The following ERC1 variants were observed in gnomAD, a reference collection of about 807,000 sequenced individuals.
The protein encoded by ERC1 is RAB6 interacting protein 2.
ERC1 carries 56 observed loss-of-function variants against 132.0 expected under a neutral mutation model. The observed-to-expected ratio is 0.42, with a 90% CI of 0.34 to 0.53. The LOEUF (loss-of-function observed/expected upper bound fraction) is 0.53, where lower values mean the gene tolerates loss of function less well. Ranked by LOEUF, ERC1 falls within the 20% of genes least tolerant of loss-of-function variation. The pLI, the probability that ERC1 is intolerant of heterozygous loss-of-function variation, is 0.03. For synonymous variants in ERC1, 478 were observed against 476.1 expected (o/e 1.00, Z -0.05); for missense variants, 1,202 against 1,349.9 (o/e 0.89, Z 1.72).
chr12:1,003,209 A>G (rs1009503609), intron 1 of ERC1, among the ~76,000 whole-genome samples: 1 of 151,328 alleles, frequency 6.6e-6, no homozygotes, highest in Non-Finnish European at 1.5e-5. Flanking sequence ...ACTTTTTTGT[A>G]ATGAGGAATC....
chr12:1,029,897 G>A (rs1020494951), intron 2 of ERC1, among the ~76,000 whole-genome samples: 2 of 151,868 alleles, frequency 1.3e-5, no homozygotes, highest in South Asian at 2.1e-4. Flanking sequence ...ACAGGTGCCC[G>A]CCACCACGCC....
chr12:1,194,512 C>T (rs1956037751), intron 12 of ERC1, among the ~76,000 whole-genome samples: 1 of 152,160 alleles, frequency 6.6e-6, no homozygotes, highest in Non-Finnish European at 1.5e-5. Flanking sequence ...TCTGCTTTTT[C>T]ACTCACGCTG....
At chr12:1,138,163 A>AAT (rs1949491983) in intron 7 of ERC1, among the ~76,000 whole-genome samples, 1 of 87,978 alleles carries the variant, frequency 1.1e-5, no homozygotes, top group Admixed American at 1.3e-4. Context: ...TACATAATAT[A>AAT]TATAATTGTA....
chr12:1,126,986 C>CAAAAATAAAAAAA (rs1948242990), intron 7 of ERC1, among the ~76,000 whole-genome samples: 1 of 114,192 alleles, frequency 8.8e-6, no homozygotes, highest in Non-Finnish European at 1.7e-5. Flanking sequence ...GATTCTGTCT[C>CAAAAATAAAAAAA]AAAAAAAAAA....
chr12:996,347 G>C (rs894347035), intron 1 of ERC1, among the ~76,000 whole-genome samples: 1 of 145,894 alleles, frequency 6.9e-6, no homozygotes. Flanking sequence ...CATGATCCGC[G>C]CGCCTTGGCC....
chr12:1,361,385 G>T (rs905460854), intron 15 of ERC1, among the ~76,000 whole-genome samples: 2 of 151,876 alleles, frequency 1.3e-5, no homozygotes, highest in Admixed American at 1.3e-4. Context: ...TTGTGCACAT[G>T]TACCCTAAAA....
intron 15 of ERC1, among the ~76,000 whole-genome samples, chr12:1,330,860 A>G (rs1017803894): frequency 2.0e-5 from 3 of 151,714 alleles, no homozygotes; most frequent in African/African-American, 7.3e-5. Context: ...TTATCTCTTT[A>G]TGTCTTTTAT....
At chr12:1,305,757 C>T (rs953262869) in intron 15 of ERC1, among the ~76,000 whole-genome samples, 3 of 152,032 alleles carry the variant, frequency 2.0e-5, no homozygotes, top group Admixed American at 2.0e-4. Context: ...TCCTTCTCTC[C>T]TAATTTTTGT....
At chr12:1,369,444 A>G (rs576188220) in intron 15 of ERC1, among the ~76,000 whole-genome samples, 7 of 152,310 alleles carry the variant, frequency 4.6e-5, no homozygotes, top group South Asian at 4.1e-4. Flanking sequence ...TGGTATTTCA[A>G]TCTAATTAGG....
chr12:1,022,003 T>A (rs1846746503), intron 1 of ERC1, among the ~76,000 whole-genome samples: 1 of 152,244 alleles, frequency 6.6e-6, no homozygotes, highest in African/African-American at 2.4e-5. Context: ...ACATTACTTA[T>A]GTTTACTTTA....
At chr12:1,355,272 T>A (rs2085413840) in intron 15 of ERC1, among the ~76,000 whole-genome samples, 1 of 152,220 alleles carries the variant, frequency 6.6e-6, no homozygotes, top group Non-Finnish European at 1.5e-5. Flanking sequence ...AAAATGTAAT[T>A]ATTATATGTT....
At chr12:1,017,019 T>C (rs1298224807) in intron 1 of ERC1, among the ~76,000 whole-genome samples, 1 of 151,008 alleles carries the variant, frequency 6.6e-6, no homozygotes, top group Non-Finnish European at 1.5e-5. Flanking sequence ...TTTTTTGAGA[T>C]GGAATCTTGC....
At chr12:1,235,699 G>A (rs1205548992) in intron 12 of ERC1, among the ~76,000 whole-genome samples, 1 of 152,124 alleles carries the variant, frequency 6.6e-6, no homozygotes, top group Non-Finnish European at 1.5e-5. Flanking sequence ...AATGGATGTG[G>A]AGAGGTATAA....
intron 18 of ERC1, among the ~76,000 whole-genome samples, chr12:1,485,979 T>A (rs2094209319): frequency 6.6e-6 from 1 of 152,244 alleles, no homozygotes; most frequent in Non-Finnish European, 1.5e-5. Context: ...TAAGCAAGAA[T>A]ACAACCATAA....
chr12:1,365,291 C>A (rs771144693), intron 15 of ERC1, among the ~76,000 whole-genome samples: 1 of 151,958 alleles, frequency 6.6e-6, no homozygotes, highest in East Asian at 1.9e-4. Context: ...ATCTTCCTTA[C>A]GTGCTCTGCT....
intron 15 of ERC1, among the ~76,000 whole-genome samples, chr12:1,314,615 T>C (rs2081560520): frequency 2.0e-5 from 3 of 152,230 alleles, no homozygotes; most frequent in Non-Finnish European, 4.4e-5. Flanking sequence ...TGACATAAGG[T>C]ATTTTTAACT....
chr12:1,454,705 T>C (rs4765819), intron 18 of ERC1, among the ~76,000 whole-genome samples: 86,733 of 152,180 alleles, frequency 0.57, 29,388 homozygotes, highest in East Asian at 0.85. Context: ...TTTTTTCAAC[T>C]ACAGTGGCAC....
At chr12:1,241,143 A>G (rs946064334) in intron 13 of ERC1, among the ~76,000 whole-genome samples, 1 of 152,202 alleles carries the variant, frequency 6.6e-6, no homozygotes, top group Non-Finnish European at 1.5e-5. Flanking sequence ...ACTAATTTAT[A>G]GTACTTCCAG....
At chr12:1,341,455 A>G (rs1242097398) in intron 15 of ERC1, among the ~76,000 whole-genome samples, 3 of 152,130 alleles carry the variant, frequency 2.0e-5, no homozygotes, top group Admixed American at 1.3e-4. Flanking sequence ...AATGTGGCAC[A>G]TATACATCAT....
Sources: gnomAD v4.1 joint callset for allele counts (sites outside exome capture counted in the v4.1 genomes callset) on GRCh38, gnomAD v4.1.1 for gene constraint, MANE v1.5 for transcripts, NCBI Gene and HGNC (gene_info 2026-07-23, HGNC 2026-07-21) for gene names.